The following CADPS variants were observed in gnomAD, a reference collection of about 807,000 sequenced individuals.
The protein encoded by CADPS is calcium-dependent secretion activator 1.
In CADPS, 57 loss-of-function variants were observed where a neutral mutation model predicts 167.3. That is an observed-to-expected ratio of 0.34 (90% confidence interval 0.28 to 0.42). CADPS has a LOEUF of 0.42. Ranked by LOEUF, CADPS falls within the 20% of genes least tolerant of loss-of-function variation. The pLI, the probability that CADPS is intolerant of heterozygous loss-of-function variation, is 1.00. For missense variants in CADPS, 1,414 were observed against 1,738.1 expected (o/e 0.81, Z 3.32); for synonymous variants, 676 against 635.3 (o/e 1.06, Z -0.96).
chr3:62,874,278 G>T lies in CADPS; in HGVS notation c.441+311C>A, dbSNP rs2083230159. Among the ~76,000 whole-genome samples the T allele has an allele frequency of 6.6e-6, 1 of 152,164 alleles. No individual in the cohort carries two copies. Among genetic ancestry groups the T allele is most frequent in the East Asian group, 1.9e-4 (1 of 5,156 alleles). Reference sequence around the variant, plus strand: ...CCGCGGGCAGCAAATCACTCCCCGAGCCTCTCGGTCCACAAAGCGGGACCT... The same window carrying T: ...CCGCGGGCAGCAAATCACTCCCCGATCCTCTCGGTCCACAAAGCGGGACCT... On this transcript the variant is annotated intron_variant, in intron 1 of 29. Coordinates refer to ENST00000383710, the MANE Select transcript of CADPS (RefSeq NM_003716.4). This position sits in a 1 kb window ranked among gnomAD's most constrained non-coding sequence, Gnocchi z 7.1.
At chr3:62,528,984 C>A (rs1383039877) in intron 13 of CADPS, among the ~76,000 whole-genome samples, 1 of 151,980 alleles carries the variant, frequency 6.6e-6, no homozygotes, top group Non-Finnish European at 1.5e-5. Flanking sequence ...CATGGTGAAA[C>A]CCTCTCTCTA....
chr3:62,405,296 C>A (rs1297640951), intron 28 of CADPS, among the ~76,000 whole-genome samples: 1 of 151,878 alleles, frequency 6.6e-6, no homozygotes, highest in Non-Finnish European at 1.5e-5. Context: ...CTCAGGGACA[C>A]AAAAGAGGAG....
rs999522133 is a variant in CADPS, at chr3:62,703,748, A to T, written c.889-41354T>A. ...GTTACTTCAGGATGAAAAGAAGGCA[A>T]ATCATGCTGAGATGAAATGCCTGGT... is the stretch of plus-strand genomic sequence containing the variant. On this transcript the variant is annotated intron_variant, in intron 3 of 29. Coordinates refer to ENST00000383710, the MANE Select transcript of CADPS (RefSeq NM_003716.4). Among the ~76,000 whole-genome samples the T allele has an allele frequency of 5.3e-5, 8 of 152,282 alleles. No homozygotes were observed. The South Asian group carries it at 1.7e-3, about 32-fold the overall frequency.
intron 6 of CADPS, among the ~76,000 whole-genome samples, chr3:62,615,784 C>A (rs2062176235): frequency 6.6e-6 from 1 of 152,232 alleles, no homozygotes; most frequent in South Asian, 2.1e-4. Flanking sequence ...TGCATTTGTC[C>A]TAGAGTAAAA....
intron 23 of CADPS, among the ~76,000 whole-genome samples, chr3:62,476,169 T>C (rs115930595): frequency 6.6e-4 from 101 of 152,306 alleles, no homozygotes; most frequent in African/African-American, 2.3e-3. Flanking sequence ...CACTGAAACA[T>C]GAGGAGTGCC....
chr3:62,648,589 G>A (rs187418197), intron 5 of CADPS, among the ~76,000 whole-genome samples: 214 of 147,858 alleles, frequency 1.4e-3, no homozygotes, highest in African/African-American at 5.1e-3. Context: ...GGCTGGCTGA[G>A]GTGGGAAGAT....
chr3:62,733,181 A>G (rs1354290337), intron 3 of CADPS, among the ~76,000 whole-genome samples: 2 of 151,794 alleles, frequency 1.3e-5, no homozygotes, highest in Non-Finnish European at 2.9e-5. Flanking sequence ...GCGTTTGATC[A>G]CAGTTGGGGT....
intron 3 of CADPS, among the ~76,000 whole-genome samples, chr3:62,665,433 C>A (rs987091787): frequency 6.6e-6 from 1 of 152,288 alleles, no homozygotes; most frequent in Non-Finnish European, 1.5e-5. Context: ...GAGGAACATG[C>A]CCCAAATCAC....
chr3:62,586,117 G>A (rs1464238950), intron 7 of CADPS, among the ~76,000 whole-genome samples: 1 of 152,108 alleles, frequency 6.6e-6, no homozygotes, highest in Non-Finnish European at 1.5e-5. Context: ...TGGGATCTGG[G>A]GAATATGCAT....
chr3:62,719,484 A>C lies in CADPS; in HGVS notation c.888+33957T>G, dbSNP rs549997165. 4.6e-5 allele frequency among the ~76,000 whole-genome samples: 7 copies of C among 152,344 alleles called. No individual in the cohort carries two copies. The East Asian group carries it at 1.4e-3, about 29-fold the overall frequency. ...AGAGTTTTAATCTCAGTGTACAACT[A>C]TAAACTCCCTGGTGTGATATTTAAA... is the stretch of plus-strand genomic sequence containing the variant. On this transcript the variant is annotated intron_variant, in intron 3 of 29. Coordinates refer to ENST00000383710, the MANE Select transcript of CADPS (RefSeq NM_003716.4).
chr3:62,485,360 T>C (rs1038616494), intron 21 of CADPS, among the ~76,000 whole-genome samples: 13 of 152,324 alleles, frequency 8.5e-5, no homozygotes, highest in African/African-American at 2.6e-4. Context: ...CTCCCTTGTA[T>C]TTCTACCTTT....
intron 2 of CADPS, among the ~76,000 whole-genome samples, chr3:62,756,426 C>T (rs2083929524): frequency 6.6e-6 from 1 of 152,150 alleles, no homozygotes; most frequent in Non-Finnish European, 1.5e-5. Flanking sequence ...TTGGGGCTAT[C>T]CTTTTAACTG....
chr3:62,547,677 C>T (rs1388260612), intron 11 of CADPS, among the ~76,000 whole-genome samples: 1 of 138,088 alleles, frequency 7.2e-6, no homozygotes, highest in African/African-American at 2.7e-5. Flanking sequence ...AGTAGTGATA[C>T]ACATCAAGCT....
intron 4 of CADPS, among the ~76,000 whole-genome samples, chr3:62,651,582 A>C (rs1276280910): frequency 6.6e-6 from 1 of 152,222 alleles, no homozygotes; most frequent in Non-Finnish European, 1.5e-5. Flanking sequence ...TCTAAGAATA[A>C]TAGTTACTGT....
intron 1 of CADPS, among the ~76,000 whole-genome samples, chr3:62,789,119 T>A (rs909475272): frequency 2.4e-4 from 37 of 152,334 alleles, no homozygotes; most frequent in African/African-American, 8.7e-4. Flanking sequence ...TGTGGCAACA[T>A]AAAACTGACA....
At chr3:62,484,761 C>T (rs1404560117) in intron 21 of CADPS, among the ~76,000 whole-genome samples, 1 of 152,154 alleles carries the variant, frequency 6.6e-6, no homozygotes, top group Non-Finnish European at 1.5e-5. Context: ...AATCAAGACA[C>T]TGACTCCATG....
intron 17 of CADPS, among the ~76,000 whole-genome samples, chr3:62,502,394 A>G (rs1003395584): frequency 2.0e-5 from 3 of 152,174 alleles, no homozygotes; most frequent in African/African-American, 7.2e-5. Context: ...GCACTGATAA[A>G]ATGGAACTAA....
At chr3:62,821,420 G>A (rs2094911347) in intron 1 of CADPS, among the ~76,000 whole-genome samples, 1 of 152,098 alleles carries the variant, frequency 6.6e-6, no homozygotes, top group South Asian at 2.1e-4. Flanking sequence ...CAAGGTCTTG[G>A]CAGGTACAAG....
At chr3:62,782,801 C>G (rs1029437068) in intron 1 of CADPS, among the ~76,000 whole-genome samples, 17 of 150,540 alleles carry the variant, frequency 1.1e-4, no homozygotes, top group Admixed American at 3.3e-4. Flanking sequence ...GCTCTGTTGC[C>G]CAGGCTGGAG....
Sources: gnomAD v4.1 joint callset for allele counts (sites outside exome capture counted in the v4.1 genomes callset) on GRCh38, gnomAD v4.1.1 for gene constraint, Gnocchi (gnomAD v3.1) non-coding constraint, MANE v1.5 for transcripts, NCBI Gene and HGNC (gene_info 2026-07-23, HGNC 2026-07-21) for gene names.